The following ADIPOR2 variants were observed in gnomAD, a reference collection of about 807,000 sequenced individuals.
The protein encoded by ADIPOR2 is adiponectin receptor 2, also known as adiponectin receptor protein 2.
A neutral mutation model predicts 40.9 loss-of-function variants in ADIPOR2; 18 were observed. The observed-to-expected ratio is 0.44, with a 90% CI of 0.30 to 0.65. The LOEUF is 0.65. ADIPOR2 is among the 30% of genes least tolerant of loss of function. The pLI, the probability that ADIPOR2 is intolerant of heterozygous loss-of-function variation, is 0.09. For synonymous variants in ADIPOR2, 165 were observed against 166.4 expected (o/e 0.99, Z 0.06); for missense variants, 283 against 479.2 (o/e 0.59, Z 3.82).
intron 1 of ADIPOR2, among the ~76,000 whole-genome samples, chr12:1,746,342 GC>G (rs951243843): frequency 6.6e-6 from 1 of 152,008 alleles, no homozygotes; most frequent in Admixed American, 6.6e-5. Flanking sequence ...ACAAAGATTA[GC>G]CGGGCATGGT....
chr12:1,721,058 G>A (rs1439618257), intron 1 of ADIPOR2, among the ~76,000 whole-genome samples: 3 of 152,000 alleles, frequency 2.0e-5, no homozygotes, highest in Non-Finnish European at 4.4e-5. Context: ...CCAAACCAAT[G>A]TACTTCTTAC....
At chr12:1,710,608 CCG>C (rs2094674607) in intron 1 of ADIPOR2, among the ~76,000 whole-genome samples, 2 of 151,856 alleles carry the variant, frequency 1.3e-5, no homozygotes, top group Non-Finnish European at 2.9e-5. Context: ...CTAACAACCC[CCG>C]ACTCTTCAGA....
intron 1 of ADIPOR2, among the ~76,000 whole-genome samples, chr12:1,717,860 G>A (rs187483947): frequency 6.6e-6 from 1 of 152,080 alleles, no homozygotes; most frequent in East Asian, 1.9e-4. Context: ...TTCATTGCTG[G>A]ATTGCTGGTC....
At chr12:1,766,289 A>G (rs1862378586) in intron 2 of ADIPOR2, among the ~76,000 whole-genome samples, 1 of 152,192 alleles carries the variant, frequency 6.6e-6, no homozygotes, top group South Asian at 2.1e-4. Flanking sequence ...AATAATAGCT[A>G]ATGTTTATTG....
intron 1 of ADIPOR2, among the ~76,000 whole-genome samples, chr12:1,706,308 T>A (rs1391843002): frequency 6.6e-6 from 1 of 152,232 alleles, no homozygotes; most frequent in Non-Finnish European, 1.5e-5. Context: ...ATCTGGCACA[T>A]GGTAACATGG....
chr12:1,777,756 C>T lies in ADIPOR2; in HGVS notation c.292-98C>T, dbSNP rs899643063. On this transcript the variant is annotated intron_variant, in intron 3 of 7. Coordinates refer to ENST00000357103, the MANE Select transcript of ADIPOR2 (RefSeq NM_024551.3). Reference sequence around the variant, plus strand: ...CTTTTTAAAAATGAATTGTTTTTCCCATTATAAAACAGTGTGATAAGACAC... The same window carrying T: ...CTTTTTAAAAATGAATTGTTTTTCCTATTATAAAACAGTGTGATAAGACAC... The T allele has an allele frequency of 4.4e-6, 5 of 1,135,470 alleles. No homozygotes were observed. In the African/African-American group the frequency reaches 7.9e-5, roughly 18 times the overall value. 70.3% of individuals were successfully genotyped at this position (1,135,470 alleles called of 1,614,324 possible).
intron 2 of ADIPOR2, among the ~76,000 whole-genome samples, chr12:1,770,798 C>A (rs1425231662): frequency 6.6e-6 from 1 of 152,088 alleles, no homozygotes; most frequent in African/African-American, 2.4e-5. Context: ...ATGAGAGGCA[C>A]AGACTTAAGT....
chr12:1,770,633 C>T (rs1862477228), intron 2 of ADIPOR2, among the ~76,000 whole-genome samples: 2 of 152,104 alleles, frequency 1.3e-5, no homozygotes, highest in African/African-American at 4.8e-5. Context: ...ATTAATTTAG[C>T]CATCATGTAA....
chr12:1,772,703 A>G, intron 2 of ADIPOR2, 139 bp from the exon 3 acceptor site: 1 of 1,043,040 alleles, frequency 9.6e-7, no homozygotes, highest in Non-Finnish European at 1.3e-6. Context: ...TAATAAACTG[A>G]CTTACTATAT....
chr12:1,714,591 C>A (rs2094683988), intron 1 of ADIPOR2, among the ~76,000 whole-genome samples: 1 of 152,070 alleles, frequency 6.6e-6, no homozygotes, highest in African/African-American at 2.4e-5. Flanking sequence ...CCTAATTCTG[C>A]TTAGTCCTTC....
At chr12:1,751,624 C>G (rs945904288) in intron 1 of ADIPOR2, among the ~76,000 whole-genome samples, 7 of 152,134 alleles carry the variant, frequency 4.6e-5, no homozygotes, top group Non-Finnish European at 4.4e-5. Context: ...CCTCCCACTT[C>G]AGCCTCTTGA....
chr12:1,695,011 G>GTTTTTTTTTTTTTTTT (rs199627849), intron 1 of ADIPOR2, among the ~76,000 whole-genome samples: 2 of 128,312 alleles, frequency 1.6e-5, no homozygotes, highest in Non-Finnish European at 1.6e-5. Context: ...TTGTGTTGCA[G>GTTTTTTTTTTTTTTTT]TTTTTTTTTT....
intron 1 of ADIPOR2, among the ~76,000 whole-genome samples, chr12:1,727,754 G>A (rs942678729): frequency 6.6e-6 from 1 of 151,888 alleles, no homozygotes; most frequent in Admixed American, 6.6e-5. Flanking sequence ...ATGCACCAGG[G>A]CAACTTCTGA....
At chr12:1,732,158 A>G (rs10773986) in intron 1 of ADIPOR2, among the ~76,000 whole-genome samples, 48,904 of 152,010 alleles carry the variant, frequency 0.32, 8,488 homozygotes, top group East Asian at 0.5. Context: ...CAGTTTATGA[A>G]CTGATGTTAA....
intron 1 of ADIPOR2, among the ~76,000 whole-genome samples, chr12:1,722,240 A>T (rs1316804816): frequency 6.6e-6 from 1 of 152,222 alleles, no homozygotes; most frequent in Non-Finnish European, 1.5e-5. Flanking sequence ...TGCTGACTGC[A>T]TGTGATCAAG....
intron 1 of ADIPOR2, among the ~76,000 whole-genome samples, chr12:1,740,432 C>T (rs1312387559): frequency 1.3e-5 from 2 of 152,212 alleles, no homozygotes; most frequent in Non-Finnish European, 2.9e-5. Context: ...CAGGGCCTTT[C>T]CTCTGGGCAT....
chr12:1,698,003 T>G (rs4468404), intron 1 of ADIPOR2: 1 of 152,290 alleles, frequency 6.6e-6, no homozygotes, highest in African/African-American at 2.4e-5. Flanking sequence ...TTAGATTCTA[T>G]AACTGCTGCT....
At chr12:1,757,926 G>T in intron 2 of ADIPOR2, 1 of 911,358 alleles carries the variant, frequency 1.1e-6, no homozygotes, top group Non-Finnish European at 1.8e-6. Flanking sequence ...GGATGGACGA[G>T]GAGCAAACAC....
rs553336440 is a variant in ADIPOR2, at chr12:1,762,112, G to A, written c.171+7598G>A. The stretch of plus-strand genomic sequence containing the variant: ...TTCCAGCTTCAGAGCCTTCAAACAT[G>A]GCTCTTTCCTCTGCCTGGAGTGTTG... On this transcript the variant is annotated intron_variant, in intron 2 of 7. Transcript: ENST00000357103. Among the ~76,000 whole-genome samples, 4 of 152,224 alleles carry A rather than the reference G, an allele frequency of 2.6e-5. No homozygotes were observed. The South Asian group carries it at 8.3e-4, about 32-fold the overall frequency.
Sources: allele counts gnomAD v4.1 joint callset (sites outside exome capture counted in the v4.1 genomes callset), GRCh38; gene constraint gnomAD v4.1.1; transcripts MANE v1.5; gene names NCBI Gene and HGNC (gene_info 2026-07-23, HGNC 2026-07-21).